KCNN1: variants seen among roughly 807,000 people sequenced by gnomAD.
KCNN1 encodes potassium calcium-activated channel subfamily N member 1.
In KCNN1, 20 loss-of-function variants were observed where a neutral mutation model predicts 44.7. That is an observed-to-expected ratio of 0.45 (90% CI 0.32 to 0.65). The LOEUF (loss-of-function observed/expected upper bound fraction) is 0.65. Among genes scored for constraint, KCNN1 ranks in the 30% least tolerant of loss-of-function variants. KCNN1 has a pLI of 0.05. For synonymous variants in KCNN1, 324 were observed against 341.7 expected (o/e 0.95, Z 0.57); for missense variants, 632 against 785.3 (o/e 0.80, Z 2.33).
intron 2 of KCNN1, among the ~76,000 whole-genome samples, chr19:17,960,915 C>T (rs946680904): frequency 1.3e-5 from 2 of 151,988 alleles, no homozygotes; most frequent in African/African-American, 4.8e-5. Context: ...CAGAGCCCAC[C>T]CTAATCTACC....
At chr19:17,977,347 C>CTTT (rs34570772) in intron 3 of KCNN1, among the ~76,000 whole-genome samples, 1 of 146,698 alleles carries the variant, frequency 6.8e-6, no homozygotes, top group Non-Finnish European at 1.5e-5. Flanking sequence ...GATGATTCCA[C>CTTT]TTTTTTTTTT....
chr19:17,970,844 C>T (rs534821317), intron 1 of KCNN1, among the ~76,000 whole-genome samples: 13 of 151,522 alleles, frequency 8.6e-5, no homozygotes, highest in Non-Finnish European at 1.2e-4. Context: ...GCAATGTGTG[C>T]GGCAGCCAAA....
chr19:17,995,877 T>G (rs1256321513), intron 9 of KCNN1, among the ~76,000 whole-genome samples: 1 of 152,126 alleles, frequency 6.6e-6, no homozygotes, highest in Non-Finnish European at 1.5e-5. Flanking sequence ...TAAGCCACTG[T>G]GCCCGGCCTC....
chr19:17,951,992 C>T (rs2031421515), intron 1 of KCNN1, among the ~76,000 whole-genome samples: 1 of 152,244 alleles, frequency 6.6e-6, no homozygotes, highest in African/African-American at 2.4e-5. Context: ...AGAGGGTCCT[C>T]CCATCTCTTT....
At chr19:17,978,600 C>A (rs1050906419) in intron 3 of KCNN1, among the ~76,000 whole-genome samples, 5 of 151,228 alleles carry the variant, frequency 3.3e-5, no homozygotes, top group East Asian at 3.9e-4. Context: ...AAATGTAAAA[C>A]CTTATATATA....
rs2145984849 is a variant in KCNN1, at chr19:17,998,194, C to T, written c.1420C>T (p.Gln474Ter). ...CGACCTTGTATCGGAGCTGCACGCT[C>T]AGCACGAGGAGCTGGAGGCCCGCCT... ...MYDLVSELHA[Q>*]HEELEARLAT... The change falls in exon 10 of 10, where the codon CAG becomes TAG. Residue 474 changes from glutamine (Q) to a stop codon, truncating the protein, a stop_gained. Transcript: ENST00000684775. LOFTEE classifies it low-confidence loss of function (END_TRUNC). The surrounding 1 kb of genome is among the most constrained non-coding windows in gnomAD (Gnocchi z 5.4). The T allele has an allele frequency of 6.3e-7, 1 of 1,598,262 alleles. No individual in the cohort carries two copies. Among genetic ancestry groups the T allele is most frequent in the Non-Finnish European group, 8.5e-7 (1 of 1,173,688 alleles).
Position 17,983,911 on chromosome 19 carries a change from AC to A in KCNN1, c.918-1400del, listed in dbSNP as rs2145951324. 6.6e-6 allele frequency among the ~76,000 whole-genome samples: 1 copy of A among 152,036 alleles called. No homozygotes were observed. Among genetic ancestry groups the A allele is most frequent in the Admixed American group, 6.5e-5 (1 of 15,274 alleles). On this transcript the variant is annotated intron_variant, in intron 4 of 9. Coordinates refer to ENST00000684775, the MANE Select transcript of KCNN1 (RefSeq NM_001386974.1). The surrounding 1 kb of genome is among the most constrained non-coding windows in gnomAD (Gnocchi z 4.5). ...CGTGGCTCATGCCTGTAATCCCAGCACTTTGGGAGGCCGAGGCGGGTGGATT... is the reference window on the plus strand; with the variant it reads ...CGTGGCTCATGCCTGTAATCCCAGCATTTGGGAGGCCGAGGCGGGTGGATT...
At chr19:17,966,023 GCCTTCCTTCCTTCCTTCCTTCCTT>G (rs762937340), upstream of KCNN1, among the ~76,000 whole-genome samples, 579 of 119,710 alleles carry the variant, frequency 4.8e-3, 2 homozygotes, top group African/African-American at 0.015. Context: ...CTGCCTGCCT[GCCTTCCTTCCTTCCTTCCTTCCTT>G]CCTTCCTTCC....
chr19:17,965,997 C>A (rs1194833049), upstream of KCNN1, among the ~76,000 whole-genome samples: 2 of 128,892 alleles, frequency 1.6e-5, no homozygotes, highest in East Asian at 2.6e-4. Context: ...TCATTCATGC[C>A]TGCCTGCCTG....
chr19:17,956,001 C>T (rs927371379), intron 2 of KCNN1, among the ~76,000 whole-genome samples: 1 of 152,034 alleles, frequency 6.6e-6, no homozygotes, highest in Admixed American at 6.6e-5. Context: ...ATGATCTTGG[C>T]TCACTGCAAC....
intron 2 of KCNN1, among the ~76,000 whole-genome samples, chr19:17,955,577 A>AG (rs2031523246): frequency 6.7e-6 from 1 of 148,822 alleles, no homozygotes; most frequent in Non-Finnish European, 1.5e-5. Context: ...AAAAAAAAAA[A>AG]AAGAAAGAAA....
rs534241624 is a variant in KCNN1 at position 17,981,592 on chromosome 19, C to T, written c.499-117C>T. ...AAGAAAGAAAGAAAGAAAGAAAAAT[C>T]CGAGCCTGTGGGGTTTCAGGCCAGG... On this transcript the variant is annotated intron_variant, in intron 3 of 9. Transcript: ENST00000684775. 5.9e-5 allele frequency: 45 copies of T among 762,504 alleles called. No individual in the cohort carries two copies. In the African/African-American group the frequency reaches 7.6e-4, roughly 13 times the overall value. 47.2% of individuals were successfully genotyped at this position (762,504 alleles called of 1,614,324 possible).
At chr19:17,953,681 A>G (rs2031474792) in intron 1 of KCNN1, among the ~76,000 whole-genome samples, 1 of 152,226 alleles carries the variant, frequency 6.6e-6, no homozygotes, top group Non-Finnish European at 1.5e-5. Context: ...GTGGTTCACA[A>G]CTGTAATCCC....
chr19:17,967,079 C>A (rs2031833845), upstream of KCNN1: 3 of 977,198 alleles, frequency 3.1e-6, no homozygotes, highest in African/African-American at 3.5e-5. Context: ...TCCCGCGTCG[C>A]ACCGCCCCCT....
intron 1 of KCNN1, among the ~76,000 whole-genome samples, chr19:17,968,284 G>A (rs879481831): frequency 7.2e-5 from 11 of 152,080 alleles, no homozygotes; most frequent in Non-Finnish European, 1.0e-4. Flanking sequence ...GTCTGCCTTG[G>A]GGATTGAGGG....
intron 3 of KCNN1, among the ~76,000 whole-genome samples, chr19:17,980,254 T>G (rs1292385458): frequency 7.5e-6 from 1 of 133,630 alleles, no homozygotes; most frequent in African/African-American, 2.8e-5. Context: ...TTTTTTTTTT[T>G]TTTTTGTATT....
At chr19:17,964,171 G>A (rs1189596352), upstream of KCNN1, among the ~76,000 whole-genome samples, 2 of 152,220 alleles carry the variant, frequency 1.3e-5, no homozygotes, top group Non-Finnish European at 2.9e-5. The surrounding 1 kb of genome is among the most constrained non-coding windows in gnomAD (Gnocchi z 4.3). Context: ...CTGAATGAGT[G>A]AATATCTTAC....
At chr19:17,977,587 C>T (rs992854122) in intron 3 of KCNN1, among the ~76,000 whole-genome samples, 4 of 151,588 alleles carry the variant, frequency 2.6e-5, no homozygotes, top group Non-Finnish European at 4.4e-5. Flanking sequence ...TGGGCTGAAG[C>T]GATCCTCCCA....
chr19:17,988,374 C>G, intron 5 of KCNN1, 41 bp from the exon 6 acceptor site: 1 of 1,544,218 alleles, frequency 6.5e-7, no homozygotes, highest in East Asian at 2.3e-5. Flanking sequence ...GGAGTGACCT[C>G]AAGACAGGAC....
Sources: allele counts gnomAD v4.1 joint callset (sites outside exome capture counted in the v4.1 genomes callset), GRCh38; gene constraint gnomAD v4.1.1; non-coding constraint Gnocchi (gnomAD v3.1); transcripts MANE v1.5; gene names NCBI Gene and HGNC (gene_info 2026-07-23, HGNC 2026-07-21).